RHOBTB3: variants seen among roughly 807,000 people sequenced by gnomAD.
RHOBTB3 encodes rho-related BTB domain-containing protein 3.
In RHOBTB3, 47 loss-of-function variants were observed where a neutral mutation model predicts 67.2. The ratio of observed to expected loss-of-function variants is 0.70; its 90% CI spans 0.55 to 0.89. The LOEUF (loss-of-function observed/expected upper bound fraction) is 0.89, where lower values mean the gene tolerates loss of function less well. Ranked by LOEUF, RHOBTB3 falls within the 40% of genes least tolerant of loss-of-function variation. The pLI, the probability that RHOBTB3 is intolerant of heterozygous loss-of-function variation, is 0.00. For missense variants in RHOBTB3, 631 were observed against 750.0 expected (o/e 0.84, Z 1.85); for synonymous variants, 273 against 274.2 (o/e 1.00, Z 0.04).
intron 2 of RHOBTB3, 140 bp downstream of exon 2, chr5:95,732,224 T>A: frequency 1.3e-6 from 1 of 766,330 alleles, no homozygotes; most frequent in Admixed American, 2.2e-5. Context: ...TTTGAGAAAA[T>A]CTTTGGTCCT....
intron 6 of RHOBTB3, among the ~76,000 whole-genome samples, chr5:95,757,605 C>A (rs1745284202): frequency 6.6e-6 from 1 of 152,122 alleles, no homozygotes; most frequent in Non-Finnish European, 1.5e-5. Flanking sequence ...GGTTTGTGGT[C>A]ATGTAATTTT....
chr5:95,776,186 C>G (rs1007309499), intron 8 of RHOBTB3, among the ~76,000 whole-genome samples: 4 of 152,086 alleles, frequency 2.6e-5, no homozygotes, highest in Admixed American at 1.3e-4. Context: ...TTGGGTGGAT[C>G]ACCTGAGGTC....
intron 8 of RHOBTB3, among the ~76,000 whole-genome samples, chr5:95,776,399 C>G (rs555352705): frequency 6.6e-6 from 1 of 151,706 alleles, no homozygotes; most frequent in East Asian, 1.9e-4. Context: ...GAGTGAGACT[C>G]TGTCTCAAAG....
intron 3 of RHOBTB3, among the ~76,000 whole-genome samples, 184 bp downstream of exon 3, chr5:95,737,259 A>G (rs1755476380): frequency 6.6e-6 from 1 of 152,192 alleles, no homozygotes; most frequent in Admixed American, 6.5e-5. Flanking sequence ...AGGATCATGA[A>G]CTTCTGCTGT....
chr5:95,794,020 A>G lies in RHOBTB3; in HGVS notation c.*846A>G, dbSNP rs1458025806. On this transcript the variant is annotated 3_prime_UTR_variant, in exon 12 of 12. Coordinates refer to ENST00000379982, the MANE Select transcript of RHOBTB3 (RefSeq NM_014899.4). ...AAACACCTTTCTCTCTGAAAGCAGA[A>G]AAAGGCACTGATATAAAGGGAAGAG... is the stretch of plus-strand genomic sequence containing the variant. The G allele has an allele frequency of 4.4e-6, 2 of 456,288 alleles. No individual in the cohort carries two copies. Among genetic ancestry groups the G allele is most frequent in the South Asian group, 3.1e-5 (2 of 64,570 alleles). 28.3% of individuals were successfully genotyped at this position (456,288 alleles called of 1,614,324 possible). A position where few individuals can be genotyped will look rare whatever the true frequency, so the allele number is the denominator to read the frequency against.
chr5:95,755,261 A>C, intron 5 of RHOBTB3, 135 bp from the exon 6 acceptor site: 1 of 608,972 alleles, frequency 1.6e-6, no homozygotes, highest in Non-Finnish European at 2.4e-6. Context: ...AAAATGGTTA[A>C]ATATTGGCTG....
intron 7 of RHOBTB3, among the ~76,000 whole-genome samples, chr5:95,766,195 AAGATTTTAAACTTCCCACCATAGT>A (rs1745539296): frequency 6.6e-6 from 1 of 151,966 alleles, no homozygotes. Context: ...CCCCTCACCG[AAGATTTTAAACTTCCCACCATAGT>A]AGATTAGAGT....
At chr5:95,739,742 G>A (rs1282473836) in intron 3 of RHOBTB3, among the ~76,000 whole-genome samples, 1 of 151,994 alleles carries the variant, frequency 6.6e-6, no homozygotes, top group Non-Finnish European at 1.5e-5. Context: ...ACGAAATTCT[G>A]CCGTGTTGCT....
In RHOBTB3 at chr5:95,762,856, A is replaced by G. The variant is rs374503336; in HGVS notation, c.1049-652A>G. Among the ~76,000 whole-genome samples the G allele has an allele frequency of 6.6e-5, 10 of 152,352 alleles. 1 individual carries two copies. Among genetic ancestry groups the G allele is most frequent in the East Asian group, 3.9e-4 (2 of 5,184 alleles). ...CCATAGAATAAGAATTTTGCAAGAC[A>G]TAGAGGAAAAGAGGCTGACAGAGTG... is the stretch of plus-strand genomic sequence containing the variant. On this transcript the variant is annotated intron_variant, in intron 6 of 11. Coordinates refer to ENST00000379982, the MANE Select transcript of RHOBTB3 (RefSeq NM_014899.4).
Position 95,793,336 on chromosome 5 carries a change from G to GTGGT in RHOBTB3, c.*163_*166dup, listed in dbSNP as rs995726185. 2.7e-5 allele frequency: 14 copies of GTGGT among 510,880 alleles called. No individual in the cohort carries two copies. The highest frequency in any genetic ancestry group is 4.5e-5 in the Non-Finnish European group (13 of 290,308). The allele number at this position is 510,880 out of a possible 1,614,324, so 31.6% of individuals were successfully genotyped here. On this transcript the variant is annotated 3_prime_UTR_variant, in exon 12 of 12. Coordinates refer to ENST00000379982, the MANE Select transcript of RHOBTB3 (RefSeq NM_014899.4). ...TTCTCTTTGGAAAAAAACTACCACT[G>GTGGT]TGGTCTTAAAAGGGAACAAAATATA... is the stretch of plus-strand genomic sequence containing the variant.
At chr5:95,743,713 A>G (rs1044760090) in intron 3 of RHOBTB3, among the ~76,000 whole-genome samples, 1 of 84,122 alleles carries the variant, frequency 1.2e-5, no homozygotes, top group Non-Finnish European at 2.2e-5. Context: ...CCTCCCCCCC[A>G]TTTTTTTTTT....
chr5:95,791,694 C>A (rs1199416503), intron 11 of RHOBTB3, among the ~76,000 whole-genome samples: 1 of 151,968 alleles, frequency 6.6e-6, no homozygotes, highest in Non-Finnish European at 1.5e-5. Context: ...CCACACCCAG[C>A]TAATTTTTCT....
chr5:95,764,409 T>A (rs1745484210), intron 7 of RHOBTB3, among the ~76,000 whole-genome samples: 1 of 152,212 alleles, frequency 6.6e-6, no homozygotes, highest in Admixed American at 6.5e-5. Context: ...AAGGATGATC[T>A]CATCAATTAT....
At chr5:95,735,382 A>G (rs1755429653) in intron 2 of RHOBTB3, among the ~76,000 whole-genome samples, 1 of 151,996 alleles carries the variant, frequency 6.6e-6, no homozygotes, top group Non-Finnish European at 1.5e-5. Context: ...CTTGTGGGAA[A>G]TGAGTGGCTG....
intron 6 of RHOBTB3, among the ~76,000 whole-genome samples, chr5:95,761,176 T>C (rs1745382597): frequency 6.6e-6 from 1 of 152,186 alleles, no homozygotes; most frequent in Admixed American, 6.5e-5. Flanking sequence ...TAAATAACAA[T>C]GTAACTTTTA....
chr5:95,730,900 A>T (rs1466627883), upstream of RHOBTB3: 1 of 456,244 alleles, frequency 2.2e-6, no homozygotes, highest in Admixed American at 2.4e-5. Flanking sequence ...AGACGTGGTA[A>T]AGCACTTTCG....
intron 6 of RHOBTB3, 42 bp downstream of exon 6, chr5:95,755,803 CT>C (rs1441950244): frequency 6.3e-7 from 1 of 1,599,102 alleles, no homozygotes; most frequent in South Asian, 1.1e-5. Flanking sequence ...ATCTCATAAG[CT>C]TTGGAAATGA....
At chr5:95,721,268 C>A (rs1754863495) in intron 1 of RHOBTB3, among the ~76,000 whole-genome samples, 1 of 152,116 alleles carries the variant, frequency 6.6e-6, no homozygotes, top group South Asian at 2.1e-4. Flanking sequence ...TGAAATTAGT[C>A]CAGAAGGATC....
In RHOBTB3 at chr5:95,784,599, C is replaced by T. The variant is rs149579225; in HGVS notation, c.1623+636C>T. ...TTATATCATTACTGATTTTAGAGAACGGGGGTGGGGGAGTTACATAATTAA... is the reference window on the plus strand; with the variant it reads ...TTATATCATTACTGATTTTAGAGAATGGGGGTGGGGGAGTTACATAATTAA... On this transcript the variant is annotated intron_variant, in intron 10 of 11. Coordinates refer to ENST00000379982, the MANE Select transcript of RHOBTB3 (RefSeq NM_014899.4). 5.4e-3 allele frequency among the ~76,000 whole-genome samples: 823 copies of T among 151,958 alleles called. 9 individuals are homozygous for T. Among genetic ancestry groups the T allele is most frequent in the African/African-American group, 0.019 (784 of 41,424 alleles).
Sources: allele counts gnomAD v4.1 joint callset (sites outside exome capture counted in the v4.1 genomes callset), GRCh38; gene constraint gnomAD v4.1.1; transcripts MANE v1.5; gene names NCBI Gene and HGNC (gene_info 2026-07-23, HGNC 2026-07-21).